DMD: variants seen among roughly 807,000 people sequenced by gnomAD.
DMD encodes the protein mutant dystrophin.
DMD carries 63 observed loss-of-function variants against 330.1 expected under a neutral mutation model. That is an observed-to-expected ratio of 0.19 (90% CI 0.16 to 0.24). The LOEUF (loss-of-function observed/expected upper bound fraction) is 0.24. Among genes scored for constraint, DMD ranks in the 10% least tolerant of loss-of-function variants. The pLI is 1.00. For synonymous variants in DMD, 1,223 were observed against 959.8 expected, an observed-to-expected ratio of 1.27 and a Z score of -5.07; for missense variants, 3,344 against 2,684.1, an observed-to-expected ratio of 1.25 and a Z score of -5.43.
chrX:31,178,136 T>C, intron 70 of DMD, 166 bp from the exon 71 acceptor site: 1 of 738,673 alleles, frequency 1.4e-6, no homozygotes, highest in Non-Finnish European at 1.6e-6. Flanking sequence ...CACACAGTTG[T>C]GTGACTGCCA....
At chrX:32,205,736 G>A (rs1388185767) in intron 44 of DMD, among the ~76,000 whole-genome samples, 4 of 111,692 alleles carry the variant, frequency 3.6e-5, no homozygotes, top group African/African-American at 1.3e-4. Flanking sequence ...TAAAGGTTAG[G>A]TGAAATGTAG....
intron 62 of DMD, among the ~76,000 whole-genome samples, chrX:31,288,951 T>C (rs2053441248): frequency 1.8e-5 from 2 of 110,804 alleles, no homozygotes; most frequent in South Asian, 7.6e-4. Context: ...ACCCTCTCTG[T>C]CAACATTTTT....
At chrX:31,686,936 G>A (rs778971807) in intron 52 of DMD, among the ~76,000 whole-genome samples, 105 of 111,727 alleles carry the variant, frequency 9.4e-4, no homozygotes, top group African/African-American at 3.3e-3. Flanking sequence ...AGAAGAGAGC[G>A]AAAAGTAAAG....
intron 1 of DMD, among the ~76,000 whole-genome samples, chrX:33,205,258 T>C (rs1485904163): frequency 8.9e-6 from 1 of 112,933 alleles, no homozygotes; most frequent in African/African-American, 3.2e-5. Context: ...AACTAGTTTA[T>C]TAATATTTTG....
At chrX:33,260,150 A>G (rs2052930718) in intron 1 of DMD, among the ~76,000 whole-genome samples, 1 of 111,281 alleles carries the variant, frequency 9.0e-6, no homozygotes, top group African/African-American at 3.3e-5. Context: ...ATTGTTTTCC[A>G]AAGAGGCTGT....
At chrX:32,217,115 G>C in intron 43 of DMD, 52 bp from the exon 44 acceptor site, 1 of 1,129,339 alleles carries the variant, frequency 8.9e-7, no homozygotes, top group South Asian at 1.9e-5. Context: ...ATGTAAAACA[G>C]ATTATAGAGA....
intron 13 of DMD, among the ~76,000 whole-genome samples, chrX:32,586,553 TAG>T (rs2054312902): frequency 9.1e-6 from 1 of 110,001 alleles, no homozygotes; most frequent in African/African-American, 3.3e-5. Context: ...TTTATACAGA[TAG>T]ATAGTATTTG....
chrX:32,385,267 A>T (rs1363903731), intron 33 of DMD, among the ~76,000 whole-genome samples: 2 of 110,827 alleles, frequency 1.8e-5, no homozygotes, highest in Non-Finnish European at 3.8e-5. Flanking sequence ...TTTATGATCA[A>T]CTGATCAACC....
chrX:32,492,596 G>A (rs1329415276), intron 19 of DMD, among the ~76,000 whole-genome samples: 1 of 111,686 alleles, frequency 9.0e-6, no homozygotes, highest in Non-Finnish European at 1.9e-5. Context: ...GCCAGTCCAA[G>A]TACATATTAT....
chrX:32,251,332 G>A (rs2097262966), intron 43 of DMD, among the ~76,000 whole-genome samples: 1 of 111,076 alleles, frequency 9.0e-6, no homozygotes, highest in African/African-American at 3.3e-5. Context: ...CTTGGTCACA[G>A]ATATTTCATC....
At chrX:32,922,564 C>A (rs1447032191) in intron 2 of DMD, among the ~76,000 whole-genome samples, 1 of 112,266 alleles carries the variant, frequency 8.9e-6, no homozygotes, top group Non-Finnish European at 1.9e-5. Context: ...TCATTAAATT[C>A]TCATAAGGAG....
chrX:31,267,457 T>C (rs184504310), intron 62 of DMD, among the ~76,000 whole-genome samples: 55 of 112,558 alleles, frequency 4.9e-4, no homozygotes, highest in Middle Eastern at 4.6e-3. Context: ...ATTTGTGACA[T>C]AGCAGCGGAT....
At chrX:32,768,161 A>C (rs2073208139) in intron 7 of DMD, among the ~76,000 whole-genome samples, 1 of 111,993 alleles carries the variant, frequency 8.9e-6, no homozygotes, top group Non-Finnish European at 1.9e-5. Context: ...ACAAAAGAAA[A>C]ATATGTTAAA....
At chrX:32,731,975 G>A (rs1292353468) in intron 7 of DMD, among the ~76,000 whole-genome samples, 1 of 111,549 alleles carries the variant, frequency 9.0e-6, no homozygotes, top group Non-Finnish European at 1.9e-5. Context: ...AGCTACGGGA[G>A]GACATTCAAA....
intron 2 of DMD, among the ~76,000 whole-genome samples, chrX:32,876,092 A>G (rs1382060580): frequency 1.8e-5 from 2 of 111,759 alleles, no homozygotes. Flanking sequence ...TCCCATCAAT[A>G]CATCAAAGAC....
intron 44 of DMD, among the ~76,000 whole-genome samples, chrX:32,020,606 C>A (rs926189267): frequency 1.8e-5 from 2 of 111,776 alleles, no homozygotes; most frequent in Non-Finnish European, 3.8e-5. Context: ...AAGGAGAAGG[C>A]GGCTATCTGC....
chrX:33,248,969 T>A (rs12014613), intron 1 of DMD, among the ~76,000 whole-genome samples: 11,465 of 111,757 alleles, frequency 0.1, 604 homozygotes, highest in African/African-American at 0.21. Flanking sequence ...CAATTCAGCA[T>A]GTGAAAATGT....
At chrX:31,924,179 T>A (rs865995764) in intron 47 of DMD, among the ~76,000 whole-genome samples, 7 of 111,776 alleles carry the variant, frequency 6.3e-5, no homozygotes, top group Middle Eastern at 4.6e-3. Context: ...TGAAAAAACA[T>A]CACGTTAAGG....
chrX:31,568,365 C>T (rs896598845), intron 55 of DMD, among the ~76,000 whole-genome samples: 20 of 111,105 alleles, frequency 1.8e-4, no homozygotes, highest in African/African-American at 6.2e-4. Flanking sequence ...GTGTTGAAGT[C>T]CCTAACTAGA....
Sources: allele counts gnomAD v4.1 joint callset (sites outside exome capture counted in the v4.1 genomes callset), GRCh38; gene constraint gnomAD v4.1.1; transcripts MANE v1.5; gene names NCBI Gene and HGNC (gene_info 2026-07-23, HGNC 2026-07-21).